The following MGAT5 variants were observed in gnomAD, a reference collection of about 807,000 sequenced individuals.
MGAT5 encodes alpha-1,6-mannosylglycoprotein 6-beta-N-acetylglucosaminyltransferase A.
A neutral mutation model predicts 94.3 loss-of-function variants in MGAT5; 30 were observed. That is an observed-to-expected ratio of 0.32 (90% CI 0.24 to 0.43). The LOEUF (loss-of-function observed/expected upper bound fraction) is 0.43, where lower values mean the gene tolerates loss of function less well. Among genes scored for constraint, MGAT5 ranks in the 20% least tolerant of loss-of-function variants. The probability of loss-of-function intolerance (pLI) is 1.00; values close to 1 mark genes in which losing one functional copy is unlikely to be tolerated. For synonymous variants in MGAT5, 310 were observed against 322.9 expected (o/e 0.96, Z 0.43); for missense variants, 691 against 905.5 (o/e 0.76, Z 3.04).
chr2:134,172,638 G>T (rs754278034), intron 1 of MGAT5, among the ~76,000 whole-genome samples: 3 of 152,044 alleles, frequency 2.0e-5, no homozygotes, highest in Admixed American at 2.0e-4. Context: ...CTCCCGCCTC[G>T]ACCTCCCAAA....
At chr2:134,312,407 C>T (rs904487981) in intron 2 of MGAT5, among the ~76,000 whole-genome samples, 7 of 152,168 alleles carry the variant, frequency 4.6e-5, no homozygotes, top group Admixed American at 4.6e-4. Context: ...CTGTTTTCCT[C>T]AGCTGTGTGG....
At chr2:134,187,775 A>G (rs1162931477) in intron 1 of MGAT5, among the ~76,000 whole-genome samples, 1 of 152,256 alleles carries the variant, frequency 6.6e-6, no homozygotes, top group Non-Finnish European at 1.5e-5. Flanking sequence ...ATCTCATTAT[A>G]TAATTTTTAT....
rs781189819 is a variant in MGAT5 at position 134,257,836 on chromosome 2, C to CCTTTTTTTTTTTT, written c.241+3192_241+3193insCTTTTTTTTTTTT. 2.3e-4 allele frequency among the ~76,000 whole-genome samples: 24 copies of CCTTTTTTTTTTTT among 106,432 alleles called. 6 individuals are homozygous for CCTTTTTTTTTTTT. The highest frequency in any genetic ancestry group is 2.6e-4 in the Non-Finnish European group (14 of 54,230). 69.8% of individuals were successfully genotyped at this position (106,432 alleles called of 152,430 possible). The stretch of plus-strand genomic sequence containing the variant: ...TGCATAGGCCATTAGTTTGCAGTCT[C>CCTTTTTTTTTTTT]TTTTTTTTTTTTTTTTTTTGCCATA... On this transcript the variant is annotated intron_variant, in intron 1 of 15. Transcript: ENST00000281923.
rs776602017 is a variant in MGAT5, at chr2:134,448,895, C to T, written c.*48C>T. ...CCATGCTGCTGGGGAAGACAGTGGC[C>T]CCAGCCCCGTCAGGCAGGGCCAGGG... is the stretch of plus-strand genomic sequence containing the variant. On this transcript the variant is annotated 3_prime_UTR_variant, in exon 16 of 16. Coordinates refer to ENST00000281923, the MANE Select transcript of MGAT5 (RefSeq NM_002410.5). 1.9e-6 allele frequency: 3 copies of T among 1,575,002 alleles called. No homozygotes were observed. The highest frequency in any genetic ancestry group is 2.6e-6 in the Non-Finnish European group (3 of 1,154,696).
intron 9 of MGAT5, among the ~76,000 whole-genome samples, chr2:134,361,676 G>T (rs1680106591): frequency 6.6e-6 from 1 of 152,116 alleles, no homozygotes; most frequent in African/African-American, 2.4e-5. Flanking sequence ...GCCCCAGCAG[G>T]CTTTACCTTT....
At chr2:134,233,742 G>A (rs1011874769) in intron 1 of MGAT5, among the ~76,000 whole-genome samples, 4 of 152,150 alleles carry the variant, frequency 2.6e-5, no homozygotes, top group Admixed American at 2.6e-4. Context: ...TTTAAACCCT[G>A]CAGGTAGACA....
intron 10 of MGAT5, among the ~76,000 whole-genome samples, chr2:134,379,944 C>T (rs558592239): frequency 2.6e-5 from 4 of 152,204 alleles, no homozygotes; most frequent in Non-Finnish European, 4.4e-5. Context: ...TGGCCTTGGG[C>T]ATATTTTAAC....
intron 15 of MGAT5, among the ~76,000 whole-genome samples, 178 bp downstream of exon 15, chr2:134,442,093 G>T (rs144069933): frequency 6.6e-6 from 1 of 152,170 alleles, no homozygotes; most frequent in Non-Finnish European, 1.5e-5. Flanking sequence ...TGTTGTTACC[G>T]TTCCTTTTGG....
At position 134,416,221 on chromosome 2, in the gene MGAT5, C is replaced by G. The variant is rs545677623; in HGVS notation, c.1677+3206C>G. Among the ~76,000 whole-genome samples, 14 of 152,294 alleles carry G rather than the reference C, an allele frequency of 9.2e-5. No individual in the cohort carries two copies. In the South Asian group the frequency reaches 2.9e-3, roughly 32 times the overall value. On this transcript the variant is annotated intron_variant, in intron 12 of 15. Coordinates refer to ENST00000281923, the MANE Select transcript of MGAT5 (RefSeq NM_002410.5). Reference sequence around the variant, plus strand: ...TTGCAATATTGTGCAACCATCACTGCTATCCATTTCCAGAACTTGTTCATC... The same window carrying G: ...TTGCAATATTGTGCAACCATCACTGGTATCCATTTCCAGAACTTGTTCATC...
chr2:134,360,602 T>C (rs1680023646), intron 9 of MGAT5, among the ~76,000 whole-genome samples: 1 of 152,168 alleles, frequency 6.6e-6, no homozygotes, highest in East Asian at 1.9e-4. Context: ...AGTTCAAAAC[T>C]TTTAGAATTA....
chr2:134,130,053 G>A (rs1353254975), intron 1 of MGAT5, among the ~76,000 whole-genome samples: 1 of 152,186 alleles, frequency 6.6e-6, no homozygotes, highest in Non-Finnish European at 1.5e-5. Context: ...GGGCAGTGAG[G>A]GGCTTAGCAC....
At chr2:134,257,836 C>CCCTTTTTTTTTTT (rs781189819) in intron 1 of MGAT5, among the ~76,000 whole-genome samples, 1 of 106,414 alleles carries the variant, frequency 9.4e-6, no homozygotes, top group Non-Finnish European at 1.8e-5. Context: ...TTTGCAGTCT[C>CCCTTTTTTTTTTT]TTTTTTTTTT....
chr2:134,270,463 C>T lies in MGAT5; in HGVS notation c.319C>T (p.Leu107Phe), dbSNP rs773659805. The T allele has an allele frequency of 1.2e-6, 2 of 1,614,108 alleles. No individual in the cohort carries two copies. Among genetic ancestry groups the T allele is most frequent in the African/African-American group, 2.7e-5 (2 of 74,938 alleles). The change falls in exon 2 of 16, where the codon CTT becomes TTT. Residue 107 changes from leucine (L) to phenylalanine (F), a missense_variant. Leu to Phe is a conservative substitution (Grantham distance 22, BLOSUM62 0). Around this residue, in one of 4 missense-constraint regions of MGAT5, gnomAD observed 307 missense variants for 335.4 expected, o/e 0.92. Coordinates refer to ENST00000281923, the MANE Select transcript of MGAT5 (RefSeq NM_002410.5). ...IGKLESKVDN[L>F]VVNGTGTNST... Reference sequence around the variant, plus strand: ...CAAGTTGGAGTCGAAGGTGGACAATCTTGTTGTCAATGGCACCGGAACAAA... The same window carrying T: ...CAAGTTGGAGTCGAAGGTGGACAATTTTGTTGTCAATGGCACCGGAACAAA...
At chr2:134,424,536 T>C (rs1359137872) in intron 13 of MGAT5, among the ~76,000 whole-genome samples, 1 of 152,196 alleles carries the variant, frequency 6.6e-6, no homozygotes, top group African/African-American at 2.4e-5. Context: ...CCTCAAAATA[T>C]CTGCCACACA....
chr2:134,267,023 T>C (rs921487934), intron 1 of MGAT5, among the ~76,000 whole-genome samples: 2 of 152,232 alleles, frequency 1.3e-5, no homozygotes, highest in African/African-American at 2.4e-5. Context: ...TGGTGGATGT[T>C]TAGTGATACT....
intron 1 of MGAT5, among the ~76,000 whole-genome samples, chr2:134,247,240 G>A (rs948883001): frequency 6.6e-6 from 1 of 152,020 alleles, no homozygotes; most frequent in Non-Finnish European, 1.5e-5. Flanking sequence ...CTTAAAATAT[G>A]GGAGTCAGGC....
chr2:134,434,164 C>T lies in MGAT5; in HGVS notation c.1869+5725C>T, dbSNP rs573702142. Reference sequence around the variant, plus strand: ...AACAAGCCAGTCCCGCTACCTGGCGCTTCTCCCAGGGAGCATTCTCCTCCC... The same window carrying T: ...AACAAGCCAGTCCCGCTACCTGGCGTTTCTCCCAGGGAGCATTCTCCTCCC... On this transcript the variant is annotated intron_variant, in intron 14 of 15. Transcript: ENST00000281923. Among the ~76,000 whole-genome samples, 6 of 152,326 alleles carry T rather than the reference C, an allele frequency of 3.9e-5. No homozygotes were observed. The South Asian group carries it at 6.2e-4, about 16-fold the overall frequency.
At chr2:134,273,353 G>T (rs1684152740) in intron 2 of MGAT5, among the ~76,000 whole-genome samples, 1 of 152,130 alleles carries the variant, frequency 6.6e-6, no homozygotes, top group Admixed American at 6.5e-5. Context: ...TGAGAGTTCA[G>T]TTTTATGGGG....
intron 9 of MGAT5, among the ~76,000 whole-genome samples, chr2:134,357,964 C>A (rs948297500): frequency 4.6e-5 from 7 of 151,876 alleles, no homozygotes; most frequent in African/African-American, 1.7e-4. Flanking sequence ...TGTGACATAA[C>A]TATTTTTCAA....
Sources: gnomAD v4.1 joint callset for allele counts (sites outside exome capture counted in the v4.1 genomes callset) on GRCh38, gnomAD v4.1.1 for gene constraint, gnomAD v4.1.1 regional missense constraint, MANE v1.5 for transcripts, NCBI Gene and HGNC (gene_info 2026-07-23, HGNC 2026-07-21) for gene names.